PRELP: variants seen among roughly 807,000 people sequenced by gnomAD.
PRELP encodes the protein prolargin.
Under a neutral mutation model 22.8 loss-of-function variants are expected in PRELP, and 16 were observed. The observed-to-expected ratio is 0.70, with a 90% CI of 0.47 to 1.06. The LOEUF is 1.06. PRELP is among the 50% of genes least tolerant of loss of function. The probability of loss-of-function intolerance (pLI) is 0.00; values close to 1 mark genes in which losing one functional copy is unlikely to be tolerated. For synonymous variants in PRELP, 233 were observed against 211.4 expected (o/e 1.10, Z -0.89); for missense variants, 434 against 485.2 (o/e 0.89, Z 0.99).
intron 1 of PRELP, among the ~76,000 whole-genome samples, chr1:203,476,337 G>A (rs535620666): frequency 4.7e-4 from 71 of 152,144 alleles, no homozygotes; most frequent in South Asian, 3.7e-3. Flanking sequence ...GAGGCTGCAC[G>A]TTCACTACCA....
At chr1:203,485,577 C>T (rs1661079823) in intron 2 of PRELP, among the ~76,000 whole-genome samples, 1 of 152,200 alleles carries the variant, frequency 6.6e-6, no homozygotes, top group Non-Finnish European at 1.5e-5. Flanking sequence ...GGGCAGGCAC[C>T]ACTCTTACCA....
At chr1:203,477,757 G>A (rs1660937765) in intron 1 of PRELP, among the ~76,000 whole-genome samples, 1 of 129,442 alleles carries the variant, frequency 7.7e-6, no homozygotes, top group Non-Finnish European at 1.6e-5. Context: ...AATCGCAGTG[G>A]AACTCCATGG....
rs1170412660 is a variant in PRELP, at chr1:203,488,600, T to C, written c.*1719T>C. ...GTCTGCAGCTCCACACTTTAAATCA[T>C]ACTCGAATGCAGGACAAGTCCTAAA... On this transcript the variant is annotated 3_prime_UTR_variant, in exon 3 of 3. Coordinates refer to ENST00000343110, the MANE Select transcript of PRELP (RefSeq NM_002725.4). 1 of 152,234 alleles carries C rather than the reference T, an allele frequency of 6.6e-6. No homozygotes were observed. The highest frequency in any genetic ancestry group is 2.4e-5 in the African/African-American group (1 of 41,466). 9.4% of individuals were successfully genotyped at this position (152,234 alleles called of 1,614,324 possible).
At position 203,486,928 on chromosome 1, in the gene PRELP, G is replaced by A; in HGVS notation, c.*47G>A. 6.5e-7 allele frequency: 1 copy of A among 1,534,372 alleles called. No individual in the cohort carries two copies. The highest frequency in any genetic ancestry group is 8.9e-7 in the Non-Finnish European group (1 of 1,128,948). On this transcript the variant is annotated 3_prime_UTR_variant, in exon 3 of 3. Coordinates refer to ENST00000343110, the MANE Select transcript of PRELP (RefSeq NM_002725.4). ...TGCTCTGACCGCACTTGAAGGCTGG[G>A]GCCCAGGCACCTGTGCCGGCCATTC... is the stretch of plus-strand genomic sequence containing the variant.
intron 2 of PRELP, among the ~76,000 whole-genome samples, chr1:203,484,819 T>C (rs1361062468): frequency 3.9e-5 from 6 of 152,232 alleles, no homozygotes; most frequent in Admixed American, 6.5e-5. Context: ...ACTTGGAGTA[T>C]CAATTGCAGC....
Position 203,488,909 on chromosome 1 carries a change from A to T in PRELP, c.*2028A>T, listed in dbSNP as rs2242203. The T allele has an allele frequency of 0.15, 22,888 of 152,234 alleles. 1,818 individuals are homozygous for T. The highest frequency in any genetic ancestry group is 0.27 in the East Asian group (1,415 of 5,182). 9.4% of individuals were successfully genotyped at this position (152,234 alleles called of 1,614,324 possible). On this transcript the variant is annotated 3_prime_UTR_variant, in exon 3 of 3. Transcript: ENST00000343110. ...CCCACCCCCAAGTTAGGATGAAAAAAGTTCCAGAGGTTTTTAAGAAATTGG... is the reference window on the plus strand; with the variant it reads ...CCCACCCCCAAGTTAGGATGAAAAATGTTCCAGAGGTTTTTAAGAAATTGG...
In PRELP at chr1:203,487,890, C is replaced by A. The variant is rs1678160842; in HGVS notation, c.*1009C>A. On this transcript the variant is annotated 3_prime_UTR_variant, in exon 3 of 3. Transcript: ENST00000343110. ...CCTGGACGTCTCCCAGAAGCCCCTC[C>A]ACGTTTGAAAATGCGCCTCCTCCTC... The A allele has an allele frequency of 6.6e-6, 1 of 152,246 alleles. No homozygotes were observed. The highest frequency in any genetic ancestry group is 2.1e-4 in the South Asian group (1 of 4,836). 9.4% of individuals were successfully genotyped at this position (152,246 alleles called of 1,614,324 possible). A position where few individuals can be genotyped will look rare whatever the true frequency, so the allele number is the denominator to read the frequency against.
At chr1:203,482,498 G>A (rs1465275882) in intron 1 of PRELP, among the ~76,000 whole-genome samples, 3 of 150,132 alleles carry the variant, frequency 2.0e-5, no homozygotes, top group Non-Finnish European at 4.4e-5. Context: ...GGCTGATCTC[G>A]AACTCCTGAC....
chr1:203,486,098 C>T (rs1004624685), intron 2 of PRELP, among the ~76,000 whole-genome samples: 1 of 152,170 alleles, frequency 6.6e-6, no homozygotes, highest in Non-Finnish European at 1.5e-5. Flanking sequence ...ACAGTGTAGC[C>T]GGATTATCTT....
At position 203,475,939 on chromosome 1, in the gene PRELP, G is replaced by C. The variant is rs1438171731; in HGVS notation, c.-17+1G>C. 1 of 152,678 alleles carries C rather than the reference G, an allele frequency of 6.5e-6. No individual in the cohort carries two copies. The allele number at this position is 152,678 out of a possible 1,614,324, so 9.5% of individuals were successfully genotyped here. Reference sequence around the variant, plus strand: ...TGAGAGGAGAGGCAGGTGTGTGCAGGTAAGCCCAGTTGGGAGATGGGCAGG... The same window carrying C: ...TGAGAGGAGAGGCAGGTGTGTGCAGCTAAGCCCAGTTGGGAGATGGGCAGG... On this transcript the variant is annotated splice_donor_variant, in intron 1 of 2. Coordinates refer to ENST00000343110, the MANE Select transcript of PRELP (RefSeq NM_002725.4). LOFTEE classifies it low-confidence loss of function (5UTR_SPLICE).
At chr1:203,485,167 CA>C (rs56659554) in intron 2 of PRELP, among the ~76,000 whole-genome samples, 98 of 141,668 alleles carry the variant, frequency 6.9e-4, no homozygotes, top group South Asian at 2.4e-3. Flanking sequence ...TTTAATCTTA[CA>C]AAAAAAAAAT....
chr1:203,483,162 C>T lies in PRELP; in HGVS notation c.-16-7C>T. On this transcript the variant is annotated splice_region_variant and splice_polypyrimidine_tract_variant and intron_variant, in intron 1 of 2. Transcript: ENST00000343110. The surrounding 1 kb of genome is among the most constrained non-coding windows in gnomAD (Gnocchi z 4.4). Reference sequence around the variant, plus strand: ...GGATAATGACCTTATGTGTCTTCTCCCTGCAGGTGCATCACCTGGATCATG... The same window carrying T: ...GGATAATGACCTTATGTGTCTTCTCTCTGCAGGTGCATCACCTGGATCATG... 2.0e-6 allele frequency: 3 copies of T among 1,518,008 alleles called. No individual in the cohort carries two copies. The highest frequency in any genetic ancestry group is 2.6e-6 in the Non-Finnish European group (3 of 1,133,038). 94.0% of individuals were successfully genotyped at this position (1,518,008 alleles called of 1,614,324 possible). A position where few individuals can be genotyped will look rare whatever the true frequency, so the allele number is the denominator to read the frequency against.
chr1:203,490,317 A>G lies in PRELP; in HGVS notation c.*3436A>G, dbSNP rs1661170826. On this transcript the variant is annotated 3_prime_UTR_variant, in exon 3 of 3. Transcript: ENST00000343110. ...CGCAAACTCACAACCCTCATGAAAA[A>G]TTAATCCTCAGTTCCACGAGACTGC... 6.6e-6 allele frequency: 1 copy of G among 152,152 alleles called. No homozygotes were observed. The highest frequency in any genetic ancestry group is 1.5e-5 in the Non-Finnish European group (1 of 68,034). The allele number at this position is 152,152 out of a possible 1,614,324, so 9.4% of individuals were successfully genotyped here. A position where few individuals can be genotyped will look rare whatever the true frequency, so the allele number is the denominator to read the frequency against.
chr1:203,484,027 G>T lies in PRELP; in HGVS notation c.843G>T (p.Arg281Ser). The change falls in exon 2 of 3, where the codon AGG becomes AGT. Residue 281 changes from arginine (R) to serine (S), a missense_variant. Transcript: ENST00000343110. ...TTAACTACAACAAGCTGACAGACAGGGGACTCCCCAAGAACTCCTTTAATA... is the reference window on the plus strand; with the variant it reads ...TTAACTACAACAAGCTGACAGACAGTGGACTCCCCAAGAACTCCTTTAATA... Reference protein sequence around the residue: ...IRLNYNKLTDRGLPKNSFNIS... With the variant: ...IRLNYNKLTDSGLPKNSFNIS... 6.2e-7 allele frequency: 1 copy of T among 1,614,232 alleles called. No individual in the cohort carries two copies. The highest frequency in any genetic ancestry group is 1.1e-5 in the South Asian group (1 of 91,082).
At chr1:203,486,049 C>T (rs1055985540) in intron 2 of PRELP, among the ~76,000 whole-genome samples, 1 of 152,206 alleles carries the variant, frequency 6.6e-6, no homozygotes, top group Non-Finnish European at 1.5e-5. Context: ...TCACATCCAC[C>T]TACTGGCTTC....
intron 2 of PRELP, 58 bp from the exon 3 acceptor site, chr1:203,486,648 C>A: frequency 6.6e-7 from 1 of 1,505,404 alleles, no homozygotes; most frequent in Non-Finnish European, 9.2e-7. Context: ...CCTTCCCCTT[C>A]CTCATCTTGG....
At position 203,484,777 on chromosome 1, in the gene PRELP, A is replaced by C. The variant is rs560842261; in HGVS notation, c.973+620A>C. Among the ~76,000 whole-genome samples the C allele has an allele frequency of 5.3e-5, 8 of 152,284 alleles. No individual in the cohort carries two copies. The East Asian group carries it at 1.5e-3, about 29-fold the overall frequency. On this transcript the variant is annotated intron_variant, in intron 2 of 2. Coordinates refer to ENST00000343110, the MANE Select transcript of PRELP (RefSeq NM_002725.4). ...CGATGTTTAGGTGCACTTAAGGAAG[A>C]GTTTGCCTAAGTGACATTTACAGGG...
In PRELP at chr1:203,486,710, C is replaced by A. The variant is rs78674036; in HGVS notation, c.978C>A (p.Ile326=). ...TCTCGTCTTCTTTTTCCGTAGAAAT[C>A]AACGGAACCCAGATTTGCCCCAACG... is the stretch of plus-strand genomic sequence containing the variant. ...LYLNNNSIEK[I]NGTQICPNDL... Residue 326 remains isoleucine, a synonymous_variant, in exon 3 of 3, where the codon ATC becomes ATA. Coordinates refer to ENST00000343110, the MANE Select transcript of PRELP (RefSeq NM_002725.4). The A allele has an allele frequency of 1.7e-3, 2,757 of 1,609,040 alleles. 59 individuals are homozygous for A. In the African/African-American group the frequency reaches 0.032, roughly 19 times the overall value.
At chr1:203,478,887 A>T (rs900440498) in intron 1 of PRELP, among the ~76,000 whole-genome samples, 1 of 151,828 alleles carries the variant, frequency 6.6e-6, no homozygotes, top group South Asian at 2.1e-4. Context: ...TCCTCTACTA[A>T]CTCTGCTCAT....
Sources: allele counts gnomAD v4.1 joint callset (sites outside exome capture counted in the v4.1 genomes callset), GRCh38; gene constraint gnomAD v4.1.1; non-coding constraint Gnocchi (gnomAD v3.1); transcripts MANE v1.5; gene names NCBI Gene and HGNC (gene_info 2026-07-23, HGNC 2026-07-21).